Variants in SYPL1 observed in about 807,000 individuals in gnomAD.
SYPL1 encodes synaptophysin like 1, also known as synaptophysin-like protein 1.
Under a neutral mutation model 23.7 loss-of-function variants are expected in SYPL1, and 6 were observed. The ratio of observed to expected loss-of-function variants is 0.25; its 90% CI spans 0.14 to 0.50. The LOEUF (loss-of-function observed/expected upper bound fraction) is 0.50. SYPL1 is among the 20% of genes least tolerant of loss of function. The pLI is 0.98. For missense variants in SYPL1, 253 were observed against 288.9 expected (o/e 0.88, Z 0.90); for synonymous variants, 102 against 104.5 (o/e 0.98, Z 0.15).
intron 1 of SYPL1, among the ~76,000 whole-genome samples, chr7:106,101,644 G>C (rs1352202468): frequency 6.6e-6 from 1 of 151,570 alleles, no homozygotes; most frequent in Non-Finnish European, 1.5e-5. Flanking sequence ...TTCATTATTT[G>C]TACTAAATAA....
chr7:106,094,556 T>C (rs1229553976), intron 3 of SYPL1, among the ~76,000 whole-genome samples: 1 of 152,230 alleles, frequency 6.6e-6, no homozygotes, highest in Non-Finnish European at 1.5e-5. Flanking sequence ...TTTTCTGCAC[T>C]GTGGAAGTAC....
At chr7:106,105,911 A>T (rs946353892) in intron 1 of SYPL1, among the ~76,000 whole-genome samples, 7 of 152,212 alleles carry the variant, frequency 4.6e-5, no homozygotes, top group African/African-American at 1.7e-4. Flanking sequence ...AACCTTCACA[A>T]AATTGACCCA....
At chr7:106,111,632 A>G (rs911594273) in intron 1 of SYPL1, among the ~76,000 whole-genome samples, 2 of 152,212 alleles carry the variant, frequency 1.3e-5, no homozygotes, top group Non-Finnish European at 2.9e-5. Flanking sequence ...TTTAACTCGG[A>G]GCCCATCTTA....
At chr7:106,099,109 C>T in intron 2 of SYPL1, 49 bp downstream of exon 2, 2 of 1,574,928 alleles carry the variant, frequency 1.3e-6, no homozygotes, top group South Asian at 2.4e-5. Flanking sequence ...TAATGACTCA[C>T]TGTGAAAGTA....
chr7:106,111,945 C>T, intron 1 of SYPL1, 195 bp downstream of exon 1: 1 of 595,244 alleles, frequency 1.7e-6, no homozygotes, highest in Non-Finnish European at 2.2e-6. Flanking sequence ...TGATTCGACG[C>T]CCGCCGCGGC....
intron 1 of SYPL1, among the ~76,000 whole-genome samples, chr7:106,110,189 C>G (rs1469989838): frequency 6.6e-6 from 1 of 152,170 alleles, no homozygotes. Flanking sequence ...TCAGAACAAT[C>G]TCAAACCGTA....
At position 106,109,973 on chromosome 7, in the gene SYPL1, T is replaced by C. The variant is rs1380746583; in HGVS notation, c.69+2167A>G. ...GGTCAGAATTGGAGGGAGAAATCGA[T>C]TGATTGAGGAATTATGAGTGCCTAA... On this transcript the variant is annotated intron_variant, in intron 1 of 4. Coordinates refer to ENST00000455385, the MANE Select transcript of SYPL1 (RefSeq NM_182715.4). This position sits in a 1 kb window ranked among gnomAD's most constrained non-coding sequence, Gnocchi z 4.3. Among the ~76,000 whole-genome samples the C allele has an allele frequency of 6.6e-6, 1 of 152,202 alleles. No homozygotes were observed. The highest frequency in any genetic ancestry group is 1.5e-5 in the Non-Finnish European group (1 of 68,042).
chr7:106,104,820 T>TCTA lies in SYPL1; in HGVS notation c.70-5541_70-5539dup, dbSNP rs1840509760. ...CCAACTATCTCACTTCTCCCTATAT[T>TCTA]CTACTGCTATTTTGATCTAGACTGG... On this transcript the variant is annotated intron_variant, in intron 1 of 4. Transcript: ENST00000455385. The surrounding 1 kb of genome is among the most constrained non-coding windows in gnomAD (Gnocchi z 4.1). Among the ~76,000 whole-genome samples, 1 of 152,216 alleles carries TCTA rather than the reference T, an allele frequency of 6.6e-6. No homozygotes were observed. Among genetic ancestry groups the TCTA allele is most frequent in the African/African-American group, 2.4e-5 (1 of 41,458 alleles).
intron 1 of SYPL1, among the ~76,000 whole-genome samples, chr7:106,111,381 C>T (rs1427533159): frequency 6.6e-6 from 1 of 152,214 alleles, no homozygotes. Context: ...TCACCAACTC[C>T]TCCAAGTAAC....
intron 4 of SYPL1, 191 bp downstream of exon 4, chr7:106,092,758 G>C (rs370207618): frequency 1.8e-6 from 1 of 566,858 alleles, no homozygotes; most frequent in African/African-American, 2.0e-5. Context: ...ATAAAATCAT[G>C]ATCTTGGTTA....
At position 106,104,080 on chromosome 7, in the gene SYPL1, A is replaced by G. The variant is rs1324061901; in HGVS notation, c.70-4798T>C. On this transcript the variant is annotated intron_variant, in intron 1 of 4. Transcript: ENST00000455385. This position sits in a 1 kb window ranked among gnomAD's most constrained non-coding sequence, Gnocchi z 4.1. ...TACCATGTATTTATGTCTTAAATGT[A>G]TATGCTTCTTCTTCTGGGAATGCCC... Among the ~76,000 whole-genome samples, 1 of 152,192 alleles carries G rather than the reference A, an allele frequency of 6.6e-6. No individual in the cohort carries two copies. The highest frequency in any genetic ancestry group is 1.9e-4 in the East Asian group (1 of 5,206).
chr7:106,110,506 G>A (rs1240533939), intron 1 of SYPL1, among the ~76,000 whole-genome samples: 5 of 152,150 alleles, frequency 3.3e-5, no homozygotes, highest in Admixed American at 2.0e-4. Flanking sequence ...ATGAGAAAAA[G>A]ACCATGTTTT....
At chr7:106,106,419 G>A (rs933778032) in intron 1 of SYPL1, among the ~76,000 whole-genome samples, 1 of 152,112 alleles carries the variant, frequency 6.6e-6, no homozygotes, top group Non-Finnish European at 1.5e-5. Flanking sequence ...GGGTGTGGTG[G>A]TGGGCACCTG....
chr7:106,090,965 C>T lies in SYPL1; in HGVS notation c.*840G>A, dbSNP rs1026599091. 2.0e-5 allele frequency: 3 copies of T among 152,110 alleles called. No homozygotes were observed. The highest frequency in any genetic ancestry group is 2.9e-5 in the Non-Finnish European group (2 of 67,996). 9.4% of individuals were successfully genotyped at this position (152,110 alleles called of 1,614,324 possible). ...CCCTTTGACTAGGGTCTGTAAAAAACGGTGGATTATTTTACTGTACTTACA... is the reference window on the plus strand; with the variant it reads ...CCCTTTGACTAGGGTCTGTAAAAAATGGTGGATTATTTTACTGTACTTACA... On this transcript the variant is annotated 3_prime_UTR_variant, in exon 5 of 5. Coordinates refer to ENST00000455385, the MANE Select transcript of SYPL1 (RefSeq NM_182715.4).
At chr7:106,099,113 GAAAGT>G (rs753990707) in intron 2 of SYPL1, 40 bp downstream of exon 2, 45 of 1,576,550 alleles carry the variant, frequency 2.9e-5, no homozygotes, top group Non-Finnish European at 3.9e-5. Flanking sequence ...GACTCACTGT[GAAAGT>G]AAAAAGAGTT....
chr7:106,105,527 C>T (rs1840547258), intron 1 of SYPL1, among the ~76,000 whole-genome samples: 1 of 148,666 alleles, frequency 6.7e-6, no homozygotes, highest in Non-Finnish European at 1.5e-5. Context: ...TAGATGACCA[C>T]CATGGCAGAT....
intron 3 of SYPL1, 52 bp from the exon 4 acceptor site, chr7:106,093,189 A>C (rs750986913): frequency 1.3e-4 from 189 of 1,442,334 alleles, no homozygotes; most frequent in Non-Finnish European, 1.6e-4. Context: ...TTTAATACTA[A>C]ATTTCAAATC....
upstream of SYPL1, chr7:106,112,327 G>C: frequency 7.9e-7 from 1 of 1,271,236 alleles, no homozygotes; most frequent in Non-Finnish European, 9.9e-7. Context: ...GCCGGGCTCG[G>C]AGGCGGGCCC....
chr7:106,097,827 G>A lies in SYPL1; in HGVS notation c.265C>T (p.Leu89Phe), dbSNP rs1190209439. 9.3e-6 allele frequency: 15 copies of A among 1,613,870 alleles called. No individual in the cohort carries two copies. The highest frequency in any genetic ancestry group is 8.9e-5 in the East Asian group (4 of 44,866). ...GCAGAAGAAGAGTAATCGCCTATGA[G>A]GACGTAATCTTTCCAATTTACATCA... Reference protein sequence around the residue: ...ICDVNWKDYVLIGDYSSSAQF... With the variant: ...ICDVNWKDYVFIGDYSSSAQF... The change falls in exon 3 of 5, where the codon CTC (leucine) becomes TTC (phenylalanine). Residue 89 changes from leucine to phenylalanine, a missense_variant. Physicochemically the swap from Leu to Phe is conservative, Grantham distance 22. Coordinates refer to ENST00000455385, the MANE Select transcript of SYPL1 (RefSeq NM_182715.4). This position sits in a 1 kb window ranked among gnomAD's most constrained non-coding sequence, Gnocchi z 4.6.
Sources: allele counts gnomAD v4.1 joint callset (sites outside exome capture counted in the v4.1 genomes callset), GRCh38; gene constraint gnomAD v4.1.1; non-coding constraint Gnocchi (gnomAD v3.1); transcripts MANE v1.5; gene names NCBI Gene and HGNC (gene_info 2026-07-23, HGNC 2026-07-21).